The following SIAH3 variants were observed in gnomAD, a reference collection of about 807,000 sequenced individuals.
SIAH3 encodes the protein seven in absentia homolog 3.
SIAH3 carries 9 observed loss-of-function variants against 12.6 expected under a neutral mutation model. The ratio of observed to expected loss-of-function variants is 0.72; its 90% CI spans 0.43 to 1.25. The LOEUF is 1.25. Among genes scored for constraint, SIAH3 ranks in the 50% most tolerant of loss-of-function variants. The pLI is 0.00. For missense variants in SIAH3, 390 were observed against 365.4 expected, an observed-to-expected ratio of 1.07 and a Z score of -0.55; for synonymous variants, 154 against 151.1, an observed-to-expected ratio of 1.02 and a Z score of -0.14.
chr13:45,819,319 A>G (rs1026311381), intron 1 of SIAH3, among the ~76,000 whole-genome samples: 2 of 152,196 alleles, frequency 1.3e-5, no homozygotes, highest in Non-Finnish European at 2.9e-5. Context: ...TCTAACAGAT[A>G]CAGGATGGGA....
chr13:45,843,060 G>GTT (rs1950746527), intron 1 of SIAH3, among the ~76,000 whole-genome samples: 1 of 151,638 alleles, frequency 6.6e-6, no homozygotes, highest in African/African-American at 2.4e-5. Context: ...GTGTGTGTGT[G>GTT]TAGAAACTCA....
intron 1 of SIAH3, among the ~76,000 whole-genome samples, chr13:45,832,274 T>A (rs1001968649): frequency 6.6e-6 from 1 of 152,262 alleles, no homozygotes; most frequent in African/African-American, 2.4e-5. Context: ...ACAATTTGTG[T>A]GACCATCGCC....
rs1163918048 is a variant in SIAH3, at chr13:45,825,898, C to T, written c.135+25597G>A. Among the ~76,000 whole-genome samples, 5 of 152,160 alleles carry T rather than the reference C, an allele frequency of 3.3e-5. No homozygotes were observed. In the East Asian group the frequency reaches 9.6e-4, roughly 29 times the overall value. On this transcript the variant is annotated intron_variant, in intron 1 of 1. Transcript: ENST00000400405. ...ACAGCTTTCCTCCAAAGGCTCCCTC[C>T]CCTGACCATGAAGACCAAAACCCAA...
At chr13:45,836,766 C>T (rs1195007307) in intron 1 of SIAH3, among the ~76,000 whole-genome samples, 1 of 152,112 alleles carries the variant, frequency 6.6e-6, no homozygotes, top group Non-Finnish European at 1.5e-5. Context: ...ACGTGTACCC[C>T]AAACTTAAAA....
chr13:45,820,651 C>A (rs998395118), intron 1 of SIAH3, among the ~76,000 whole-genome samples: 1 of 152,152 alleles, frequency 6.6e-6, no homozygotes, highest in Admixed American at 6.5e-5. Context: ...CCCACCACCG[C>A]GGCCCTCCTT....
At chr13:45,798,503 C>T (rs746474207) in intron 1 of SIAH3, among the ~76,000 whole-genome samples, 1 of 152,200 alleles carries the variant, frequency 6.6e-6, no homozygotes, top group Non-Finnish European at 1.5e-5. Flanking sequence ...GGGGAACGTT[C>T]AGGATGGTAT....
At chr13:45,844,953 C>A (rs892860261) in intron 1 of SIAH3, among the ~76,000 whole-genome samples, 1 of 152,228 alleles carries the variant, frequency 6.6e-6, no homozygotes, top group African/African-American at 2.4e-5. Context: ...TTGTAGACCA[C>A]AACCACTCTC....
chr13:45,794,651 C>A (rs1380314984), intron 1 of SIAH3, among the ~76,000 whole-genome samples: 1 of 152,156 alleles, frequency 6.6e-6, no homozygotes, highest in African/African-American at 2.4e-5. Flanking sequence ...ACTCTCTTGC[C>A]TGCCACCATG....
Position 45,779,302 on chromosome 13 carries a change from C to T in SIAH3, c.*4081G>A, listed in dbSNP as rs953877669. On this transcript the variant is annotated 3_prime_UTR_variant, in exon 2 of 2. Transcript: ENST00000400405. The stretch of plus-strand genomic sequence containing the variant: ...TTGTAAATGTATATCATTTTTAATA[C>T]TGACTGTACTTAATTAACAATCAGC... The T allele has an allele frequency of 2.0e-5, 3 of 152,100 alleles. No individual in the cohort carries two copies. The highest frequency in any genetic ancestry group is 2.9e-5 in the Non-Finnish European group (2 of 68,026). The allele number at this position is 152,100 out of a possible 1,614,324, so 9.4% of individuals were successfully genotyped here. A position where few individuals can be genotyped will look rare whatever the true frequency, so the allele number is the denominator to read the frequency against.
At chr13:45,794,686 C>T (rs897392776) in intron 1 of SIAH3, among the ~76,000 whole-genome samples, 3 of 152,194 alleles carry the variant, frequency 2.0e-5, no homozygotes, top group African/African-American at 7.2e-5. Flanking sequence ...GCTCCTCCTT[C>T]ACTTCTGCCT....
rs779453886 is a variant in SIAH3, at chr13:45,791,094, G to T, written c.136-7037C>A. 3.9e-5 allele frequency among the ~76,000 whole-genome samples: 6 copies of T among 152,112 alleles called. No individual in the cohort carries two copies. The East Asian group carries it at 1.2e-3, about 29-fold the overall frequency. On this transcript the variant is annotated intron_variant, in intron 1 of 1. Coordinates refer to ENST00000400405, the MANE Select transcript of SIAH3 (RefSeq NM_198849.3). ...TGGGCGGATCAGGTTAGCCCAGAAGGTTGAGGCTGCAGTGAGCTGAGATCA... is the reference window on the plus strand; with the variant it reads ...TGGGCGGATCAGGTTAGCCCAGAAGTTTGAGGCTGCAGTGAGCTGAGATCA...
intron 1 of SIAH3, among the ~76,000 whole-genome samples, chr13:45,808,984 C>T (rs557585032): frequency 7.9e-5 from 12 of 152,356 alleles, no homozygotes; most frequent in African/African-American, 2.9e-4. Flanking sequence ...CCTCCATTTT[C>T]GCCTTCGGCA....
In SIAH3 at chr13:45,778,873, A is replaced by G. The variant is rs1181806928; in HGVS notation, c.*4510T>C. On this transcript the variant is annotated 3_prime_UTR_variant, in exon 2 of 2. Coordinates refer to ENST00000400405, the MANE Select transcript of SIAH3 (RefSeq NM_198849.3). ...AGTATATGGGAGGATTGCGTAGGTT[A>G]TATACAAATACTATGCCGTTTTATA... The G allele has an allele frequency of 1.3e-5, 2 of 152,220 alleles. No homozygotes were observed. The highest frequency in any genetic ancestry group is 1.5e-5 in the Non-Finnish European group (1 of 68,036). The allele number at this position is 152,220 out of a possible 1,614,324, so 9.4% of individuals were successfully genotyped here.
At chr13:45,805,013 A>C (rs1262719031) in intron 1 of SIAH3, among the ~76,000 whole-genome samples, 1 of 137,724 alleles carries the variant, frequency 7.3e-6, no homozygotes, top group East Asian at 2.1e-4. Context: ...CACACACAAA[A>C]TACTTTGGAA....
At chr13:45,791,828 C>G (rs1950546523) in intron 1 of SIAH3, among the ~76,000 whole-genome samples, 2 of 152,202 alleles carry the variant, frequency 1.3e-5, no homozygotes, top group African/African-American at 4.8e-5. Flanking sequence ...GCAAATCAGT[C>G]TGGCCACCTC....
intron 1 of SIAH3, among the ~76,000 whole-genome samples, chr13:45,850,575 T>C (rs1457237366): frequency 6.6e-6 from 1 of 152,066 alleles, no homozygotes. Context: ...CTGCACCCTC[T>C]CCCCAGCCCC....
At chr13:45,828,051 G>A (rs1950685160) in intron 1 of SIAH3, among the ~76,000 whole-genome samples, 1 of 152,162 alleles carries the variant, frequency 6.6e-6, no homozygotes. Flanking sequence ...CTCTGCTAAT[G>A]GACTTTGCAA....
At chr13:45,836,733 T>A (rs1443169814) in intron 1 of SIAH3, among the ~76,000 whole-genome samples, 1 of 152,120 alleles carries the variant, frequency 6.6e-6, no homozygotes, top group East Asian at 1.9e-4. Context: ...CGTTTACCTA[T>A]GAAACAAACC....
intron 1 of SIAH3, among the ~76,000 whole-genome samples, chr13:45,798,371 A>G (rs1303339017): frequency 1.3e-5 from 2 of 152,216 alleles, no homozygotes; most frequent in Non-Finnish European, 2.9e-5. Flanking sequence ...ATCACTCACC[A>G]TGTGCTGTGG....
Sources: gnomAD v4.1 joint callset for allele counts (sites outside exome capture counted in the v4.1 genomes callset) on GRCh38, gnomAD v4.1.1 for gene constraint, MANE v1.5 for transcripts, NCBI Gene and HGNC (gene_info 2026-07-23, HGNC 2026-07-21) for gene names.